DOCK3: variants seen among roughly 807,000 people sequenced by gnomAD.
DOCK3 encodes dedicator of cytokinesis protein 3.
In DOCK3, 60 loss-of-function variants were observed where a neutral mutation model predicts 265.6. The ratio of observed to expected loss-of-function variants is 0.23; its 90% CI spans 0.18 to 0.28. The LOEUF (loss-of-function observed/expected upper bound fraction) is 0.28, where lower values mean the gene tolerates loss of function less well. DOCK3 is among the 10% of genes least tolerant of loss of function. DOCK3 has a pLI of 1.00. For missense variants in DOCK3, 1,981 were observed against 2,594.3 expected, an observed-to-expected ratio of 0.76 and a Z score of 5.14; for synonymous variants, 881 against 938.0, an observed-to-expected ratio of 0.94 and a Z score of 1.11.
chr3:50,777,281 A>G (rs1559624924), intron 1 of DOCK3, among the ~76,000 whole-genome samples: 1 of 151,700 alleles, frequency 6.6e-6, no homozygotes, highest in Non-Finnish European at 1.5e-5. Flanking sequence ...ATTTTTTTCC[A>G]TTGGTCTAAC....
At chr3:50,967,686 GAGA>G in intron 5 of DOCK3, among the ~76,000 whole-genome samples, 1 of 152,162 alleles carries the variant, frequency 6.6e-6, no homozygotes, top group Non-Finnish European at 1.5e-5. Context: ...TGGCAGGAAG[GAGA>G]AGAATGAGTG....
chr3:51,348,872 A>G lies in DOCK3; in HGVS notation c.3936A>G (p.Pro1312=). The part of the protein sequence containing the change: ...NKGKSWEFGI[P]LCRELACQYE... Reference sequence around the variant, plus strand: ...CACAGAGCTGGGAGTTTGGGATCCCACTGTGCAGGGAGCTGGCGTGTCAGT... The same window carrying G: ...CACAGAGCTGGGAGTTTGGGATCCCGCTGTGCAGGGAGCTGGCGTGTCAGT... The change falls in exon 39 of 53, where the codon CCA becomes CCG. Residue 1312 remains proline, a synonymous_variant. Coordinates refer to ENST00000266037, the MANE Select transcript of DOCK3 (RefSeq NM_004947.5). 1.3e-6 allele frequency: 2 copies of G among 1,583,468 alleles called. No individual in the cohort carries two copies. Among genetic ancestry groups the G allele is most frequent in the South Asian group, 1.2e-5 (1 of 86,322 alleles).
intron 12 of DOCK3, among the ~76,000 whole-genome samples, chr3:51,162,854 A>G (rs900143528): frequency 6.6e-6 from 1 of 152,200 alleles, no homozygotes; most frequent in African/African-American, 2.4e-5. Flanking sequence ...TAAAAAGATG[A>G]AAAAAATATG....
intron 27 of DOCK3, among the ~76,000 whole-genome samples, chr3:51,304,704 G>GCTGA (rs2082554474): frequency 6.6e-6 from 1 of 152,214 alleles, no homozygotes; most frequent in Non-Finnish European, 1.5e-5. Flanking sequence ...CCCTTGGCTG[G>GCTGA]TGGTGGGGGG....
chr3:51,023,531 T>G (rs2108893629), intron 5 of DOCK3, among the ~76,000 whole-genome samples: 1 of 152,198 alleles, frequency 6.6e-6, no homozygotes, highest in Admixed American at 6.5e-5. Context: ...TTCTCCTGCA[T>G]CAGCCTCCTG....
intron 5 of DOCK3, among the ~76,000 whole-genome samples, chr3:51,023,400 T>C (rs2079679318): frequency 6.6e-6 from 1 of 152,152 alleles, no homozygotes; most frequent in Non-Finnish European, 1.5e-5. Flanking sequence ...ATGTTCTGAT[T>C]GTTTTTTGTT....
chr3:51,236,636 T>TA (rs1221891369), intron 20 of DOCK3, among the ~76,000 whole-genome samples: 1 of 152,174 alleles, frequency 6.6e-6, no homozygotes, highest in Non-Finnish European at 1.5e-5. Context: ...AGTCCAGACC[T>TA]TGACTTTATA....
At chr3:50,927,045 C>T (rs2050791985) in intron 4 of DOCK3, among the ~76,000 whole-genome samples, 1 of 152,206 alleles carries the variant, frequency 6.6e-6, no homozygotes, top group African/African-American at 2.4e-5. Context: ...GATGTGACTT[C>T]CTGTCACCCT....
At chr3:50,678,427 A>G (rs142466535) in intron 1 of DOCK3, among the ~76,000 whole-genome samples, 140 of 152,336 alleles carry the variant, frequency 9.2e-4, no homozygotes, top group Middle Eastern at 3.4e-3. Context: ...TACCAAATAT[A>G]GAATACAAAA....
At chr3:50,723,634 G>T (rs1323289870) in intron 1 of DOCK3, among the ~76,000 whole-genome samples, 2 of 152,286 alleles carry the variant, frequency 1.3e-5, no homozygotes, top group East Asian at 3.9e-4. Flanking sequence ...TGGGAAAACT[G>T]GCTAGCCATA....
At chr3:50,976,136 A>G (rs1372705458) in intron 5 of DOCK3, among the ~76,000 whole-genome samples, 5 of 135,932 alleles carry the variant, frequency 3.7e-5, no homozygotes, top group Non-Finnish European at 8.0e-5. Flanking sequence ...TTGTGTCTCT[A>G]TTTCCTTCAG....
chr3:50,953,693 C>T (rs138394335), intron 5 of DOCK3, among the ~76,000 whole-genome samples: 2 of 152,212 alleles, frequency 1.3e-5, no homozygotes, highest in Non-Finnish European at 2.9e-5. Context: ...GTTCGTCTGA[C>T]TATTGTCATA....
At chr3:51,190,453 C>A (rs548215214) in intron 12 of DOCK3, among the ~76,000 whole-genome samples, 3 of 152,212 alleles carry the variant, frequency 2.0e-5, no homozygotes, top group Admixed American at 1.3e-4. Flanking sequence ...TCTCAGATGC[C>A]AGTTATAGTA....
chr3:50,749,303 T>G (rs1235041168), intron 1 of DOCK3, among the ~76,000 whole-genome samples: 1 of 152,232 alleles, frequency 6.6e-6, no homozygotes, highest in Non-Finnish European at 1.5e-5. Context: ...TATCACTATG[T>G]TCTGTTGCAA....
In DOCK3 at chr3:51,238,409, T is replaced by C. The variant is rs553967659; in HGVS notation, c.2102+819T>C. ...CACCTGCCTTGGCCTCCCAAAGTGC[T>C]GGGATTACAGGCGTGAGCCACCGCG... On this transcript the variant is annotated intron_variant, in intron 21 of 52. Transcript: ENST00000266037. Among the ~76,000 whole-genome samples the C allele has an allele frequency of 2.6e-5, 4 of 152,242 alleles. No individual in the cohort carries two copies. The East Asian group carries it at 7.7e-4, about 29-fold the overall frequency.
chr3:51,084,376 T>C (rs1389904919), intron 7 of DOCK3, among the ~76,000 whole-genome samples: 2 of 152,144 alleles, frequency 1.3e-5, no homozygotes, highest in African/African-American at 4.8e-5. Flanking sequence ...ACCAGACTAA[T>C]AGCACATTTC....
At chr3:50,770,124 A>G (rs2041185015) in intron 1 of DOCK3, among the ~76,000 whole-genome samples, 1 of 152,282 alleles carries the variant, frequency 6.6e-6, no homozygotes, top group Admixed American at 6.5e-5. Flanking sequence ...CAAGAGAAAG[A>G]TATAAAGGGC....
intron 4 of DOCK3, among the ~76,000 whole-genome samples, chr3:50,933,347 CAGTT>C (rs1047930596): frequency 2.6e-5 from 4 of 152,168 alleles, no homozygotes; most frequent in African/African-American, 7.2e-5. Flanking sequence ...AAATTTTTGA[CAGTT>C]AGCACAGGGA....
At chr3:51,038,494 A>G (rs2109006551) in intron 5 of DOCK3, among the ~76,000 whole-genome samples, 1 of 152,306 alleles carries the variant, frequency 6.6e-6, no homozygotes, top group South Asian at 2.1e-4. Context: ...AGACCATCAC[A>G]CTGTGACTTC....
Sources: allele counts gnomAD v4.1 joint callset (sites outside exome capture counted in the v4.1 genomes callset), GRCh38; gene constraint gnomAD v4.1.1; transcripts MANE v1.5; gene names NCBI Gene and HGNC (gene_info 2026-07-23, HGNC 2026-07-21).